ETV6: variants seen among roughly 807,000 people sequenced by gnomAD.
The protein encoded by ETV6 is ETS variant transcription factor 6, also known as transcription factor ETV6.
ETV6 carries 16 observed loss-of-function variants against 51.1 expected under a neutral mutation model. The ratio of observed to expected loss-of-function variants is 0.31; its 90% CI spans 0.21 to 0.48. The LOEUF is 0.48. Among genes scored for constraint, ETV6 ranks in the 20% least tolerant of loss-of-function variants. The probability of loss-of-function intolerance (pLI) is 0.99; values close to 1 mark genes in which losing one functional copy is unlikely to be tolerated. For missense variants in ETV6, 458 were observed against 594.8 expected (o/e 0.77, Z 2.39); for synonymous variants, 240 against 224.1 (o/e 1.07, Z -0.64).
At chr12:11,860,954 A>G (rs1946707316) in intron 4 of ETV6, among the ~76,000 whole-genome samples, 1 of 152,188 alleles carries the variant, frequency 6.6e-6, no homozygotes, top group Non-Finnish European at 1.5e-5. Flanking sequence ...ATTCATCTGC[A>G]CTATGATTTC....
intron 2 of ETV6, chr12:11,826,339 T>C (rs1257072271): frequency 1.3e-5 from 2 of 152,232 alleles, no homozygotes; most frequent in African/African-American, 4.8e-5. Flanking sequence ...AAAACAGACA[T>C]CGGCCTCTTT....
intron 2 of ETV6, among the ~76,000 whole-genome samples, chr12:11,790,055 T>C (rs1381690225): frequency 1.3e-5 from 2 of 151,976 alleles, no homozygotes; most frequent in African/African-American, 4.8e-5. Context: ...CTTAATATTT[T>C]AAGTTCCTCT....
intron 1 of ETV6, among the ~76,000 whole-genome samples, chr12:11,742,535 GTT>G (rs1327775478): frequency 6.6e-6 from 1 of 152,130 alleles, no homozygotes; most frequent in Non-Finnish European, 1.5e-5. Context: ...TTGTTTGTAT[GTT>G]ACTTTTTCGA....
chr12:11,677,037 A>G (rs1473904810), intron 1 of ETV6, among the ~76,000 whole-genome samples: 1 of 152,250 alleles, frequency 6.6e-6, no homozygotes, highest in Non-Finnish European at 1.5e-5. Context: ...GAAATTCAGA[A>G]TATTAAGTTA....
chr12:11,650,504 A>AAAAAAAAAAAAAAAAAAAAAAAAAC (rs1555109540), intron 1 of ETV6, among the ~76,000 whole-genome samples: 1 of 94,232 alleles, frequency 1.1e-5, no homozygotes, highest in Non-Finnish European at 2.0e-5. Context: ...AACAAAAAAC[A>AAAAAAAAAAAAAAAAAAAAAAAAAC]AAAAAAAAAA....
intron 2 of ETV6, among the ~76,000 whole-genome samples, chr12:11,808,381 C>T (rs1056500488): frequency 6.6e-6 from 1 of 151,582 alleles, no homozygotes; most frequent in Non-Finnish European, 1.5e-5. Context: ...CCTTCATATC[C>T]GTGAGTTGCA....
intron 5 of ETV6, among the ~76,000 whole-genome samples, chr12:11,870,626 A>C (rs916244264): frequency 2.0e-5 from 3 of 152,230 alleles, no homozygotes; most frequent in African/African-American, 7.2e-5. Context: ...CATTCTTCAG[A>C]AGCTTAATCC....
Position 11,667,092 on chromosome 12 carries a change from G to A in ETV6, c.33+16932G>A, listed in dbSNP as rs558425682. Among the ~76,000 whole-genome samples the A allele has an allele frequency of 3.9e-5, 6 of 152,318 alleles. No individual in the cohort carries two copies. The South Asian group carries it at 1.2e-3, about 32-fold the overall frequency. On this transcript the variant is annotated intron_variant, in intron 1 of 7. Transcript: ENST00000396373. ...AAGCTGCTCAGGTAGGGGCAGCCAC[G>A]GAAGTTGTGCTCCCTCTTAAACACT...
intron 3 of ETV6, among the ~76,000 whole-genome samples, chr12:11,852,837 G>T (rs1946577718): frequency 6.6e-6 from 1 of 152,190 alleles, no homozygotes; most frequent in African/African-American, 2.4e-5. Context: ...CTGTATCTTA[G>T]TGATGATGGG....
At chr12:11,816,431 G>A (rs1158043939) in intron 2 of ETV6, among the ~76,000 whole-genome samples, 2 of 152,076 alleles carry the variant, frequency 1.3e-5, no homozygotes, top group African/African-American at 4.8e-5. Context: ...ATTTTTGGTA[G>A]AGACGGGGGT....
intron 2 of ETV6, among the ~76,000 whole-genome samples, chr12:11,756,723 G>C (rs1298144814): frequency 6.6e-6 from 1 of 152,114 alleles, no homozygotes; most frequent in South Asian, 2.1e-4. Flanking sequence ...ACTCATGGGG[G>C]AGTGGCTGCT....
At chr12:11,822,653 TGG>T (rs1406264745) in intron 2 of ETV6, among the ~76,000 whole-genome samples, 1 of 152,224 alleles carries the variant, frequency 6.6e-6, no homozygotes, top group Non-Finnish European at 1.5e-5. Context: ...ATTACTAATT[TGG>T]GCATTACTAA....
rs1486414478 is a variant in ETV6 at position 11,894,062 on chromosome 12, G to A, written c.*3016G>A. 8.8e-6 allele frequency: 2 copies of A among 227,132 alleles called. No individual in the cohort carries two copies. Among genetic ancestry groups the A allele is most frequent in the East Asian group, 6.3e-5 (1 of 15,900 alleles). The allele number at this position is 227,132 out of a possible 1,614,324, so 14.1% of individuals were successfully genotyped here. On this transcript the variant is annotated 3_prime_UTR_variant, in exon 8 of 8. Coordinates refer to ENST00000396373, the MANE Select transcript of ETV6 (RefSeq NM_001987.5). ...CACCTGGATACAGTATTTACACCCT[G>A]CAGACCCTAAAGATTTCAGATTCAG...
chr12:11,731,518 A>C (rs1276061236), intron 1 of ETV6, among the ~76,000 whole-genome samples: 1 of 152,098 alleles, frequency 6.6e-6, no homozygotes. Flanking sequence ...TCCCACTGTT[A>C]TTCTTAAGAA....
At chr12:11,797,549 C>A (rs570327977) in intron 2 of ETV6, among the ~76,000 whole-genome samples, 2 of 152,214 alleles carry the variant, frequency 1.3e-5, no homozygotes, top group East Asian at 3.9e-4. Context: ...GATAGGCATC[C>A]CATTACAGCA....
intron 4 of ETV6, among the ~76,000 whole-genome samples, chr12:11,867,389 T>C (rs1946804448): frequency 6.6e-6 from 1 of 152,236 alleles, no homozygotes; most frequent in Non-Finnish European, 1.5e-5. Context: ...TTTAGAGATA[T>C]ATACTATAAT....
chr12:11,812,866 C>T (rs1219207079), intron 2 of ETV6, among the ~76,000 whole-genome samples: 1 of 152,130 alleles, frequency 6.6e-6, no homozygotes, highest in Non-Finnish European at 1.5e-5. Flanking sequence ...AGAAATCAGC[C>T]CTAAAGCTGC....
intron 2 of ETV6, among the ~76,000 whole-genome samples, chr12:11,808,235 C>T (rs1945858220): frequency 6.6e-6 from 1 of 152,164 alleles, no homozygotes; most frequent in Non-Finnish European, 1.5e-5. Flanking sequence ...CTGTTGTTGT[C>T]ATGTGAGTAA....
chr12:11,883,492 G>A (rs12811520), intron 5 of ETV6, among the ~76,000 whole-genome samples: 23 of 151,364 alleles, frequency 1.5e-4, no homozygotes, highest in Admixed American at 1.3e-3. Context: ...ACGGGGTTTC[G>A]CCACGTTGGT....
Sources: allele counts gnomAD v4.1 joint callset (sites outside exome capture counted in the v4.1 genomes callset), GRCh38; gene constraint gnomAD v4.1.1; transcripts MANE v1.5; gene names NCBI Gene and HGNC (gene_info 2026-07-23, HGNC 2026-07-21).